The following RBP2 variants were observed in gnomAD, a reference collection of about 807,000 sequenced individuals.
The protein encoded by RBP2 is retinol binding protein 2.
Under a neutral mutation model 17.0 loss-of-function variants are expected in RBP2, and 17 were observed. That is an observed-to-expected ratio of 1.00 (90% CI 0.68 to 1.50). The LOEUF (loss-of-function observed/expected upper bound fraction) is 1.50, where lower values mean the gene tolerates loss of function less well. Among genes scored for constraint, RBP2 ranks in the 40% most tolerant of loss-of-function variants. The probability of loss-of-function intolerance (pLI) is 0.00; values close to 1 mark genes in which losing one functional copy is unlikely to be tolerated. For synonymous variants in RBP2, 48 were observed against 57.1 expected, an observed-to-expected ratio of 0.84 and a Z score of 0.72; for missense variants, 158 against 168.2, an observed-to-expected ratio of 0.94 and a Z score of 0.33.
intron 3 of RBP2, among the ~76,000 whole-genome samples, chr3:139,454,054 A>G (rs1189202976): frequency 6.6e-6 from 1 of 152,228 alleles, no homozygotes; most frequent in African/African-American, 2.4e-5. Context: ...ATGAATGAAG[A>G]GCCATTCACT....
chr3:139,473,084 A>G (rs1433333243), intron 1 of RBP2, among the ~76,000 whole-genome samples: 6 of 152,206 alleles, frequency 3.9e-5, no homozygotes, highest in East Asian at 1.9e-4. Context: ...TCTGACCTGA[A>G]GGAGGACTGA....
intron 1 of RBP2, among the ~76,000 whole-genome samples, chr3:139,475,724 ACT>A (rs1473754339): frequency 6.6e-6 from 1 of 152,036 alleles, no homozygotes; most frequent in Non-Finnish European, 1.5e-5. Flanking sequence ...GGACCCACTC[ACT>A]CTAGTCCCAG....
intron 2 of RBP2, among the ~76,000 whole-genome samples, chr3:139,455,260 A>C (rs1043127953): frequency 6.6e-6 from 1 of 152,230 alleles, no homozygotes; most frequent in African/African-American, 2.4e-5. Flanking sequence ...CTGTAAATCA[A>C]TAAGAAAAAT....
intron 1 of RBP2, among the ~76,000 whole-genome samples, chr3:139,470,341 A>G (rs1933521047): frequency 1.3e-5 from 2 of 151,994 alleles, no homozygotes; most frequent in Admixed American, 6.6e-5. Context: ...TTTATCTGCA[A>G]AATATATGCT....
intron 3 of RBP2, among the ~76,000 whole-genome samples, 198 bp downstream of exon 3, chr3:139,454,531 A>G (rs1943361914): frequency 6.6e-6 from 1 of 152,230 alleles, no homozygotes; most frequent in South Asian, 2.1e-4. Context: ...AGCTGTTCAC[A>G]GAAACAGCCA....
Position 139,476,472 on chromosome 3 carries a change from T to G in RBP2, c.-13A>C. On this transcript the variant is annotated 5_prime_UTR_variant, in exon 1 of 4. Coordinates refer to ENST00000232217, the MANE Select transcript of RBP2 (RefSeq NM_004164.3). ...GGTCCCTTGTCATGGTGGTGGCCAC[T>G]GGTTCGGTGAGGGTTTGTGGTGGAT... 6.2e-7 allele frequency: 1 copy of G among 1,613,386 alleles called. No homozygotes were observed. The highest frequency in any genetic ancestry group is 8.5e-7 in the Non-Finnish European group (1 of 1,179,448).
chr3:139,456,221 T>G (rs1301545886), intron 2 of RBP2, among the ~76,000 whole-genome samples: 1 of 152,228 alleles, frequency 6.6e-6, no homozygotes, highest in East Asian at 1.9e-4. Context: ...CTTTTCTTGG[T>G]GTCTTGTAAA....
Position 139,462,144 on chromosome 3 carries a change from A to G in RBP2, c.220T>C (p.Tyr74His), listed in dbSNP as rs200804399. Residue 74 changes from tyrosine (Y) to histidine (H), a missense_variant, in exon 2 of 4, where the codon TAC becomes CAC. Coordinates refer to ENST00000232217, the MANE Select transcript of RBP2 (RefSeq NM_004164.3). ...TGCCGGTTATCCAGGCTCTTTGTGT[A>G]CTCGTCAAACTCTACTCCAACAGTG... ...DFTVGVEFDEYTKSLDNRHVK... is the reference protein window; with the variant it reads ...DFTVGVEFDEHTKSLDNRHVK... 1 of 1,613,954 alleles carries G rather than the reference A, an allele frequency of 6.2e-7. No individual in the cohort carries two copies. Among genetic ancestry groups the G allele is most frequent in the Non-Finnish European group, 8.5e-7 (1 of 1,179,988 alleles).
In RBP2 at chr3:139,453,057, G is replaced by C; in HGVS notation, c.*59C>G. 1.3e-6 allele frequency: 2 copies of C among 1,598,972 alleles called. No individual in the cohort carries two copies. The highest frequency in any genetic ancestry group is 1.7e-6 in the Non-Finnish European group (2 of 1,166,256). On this transcript the variant is annotated 3_prime_UTR_variant, in exon 4 of 4. Transcript: ENST00000232217. ...TCCCCACAGCTGTTTCTCAAAGCCA[G>C]TAGACCACTCAGTGTGGGCAGTGGG...
intron 1 of RBP2, 108 bp downstream of exon 1, chr3:139,476,279 T>C (rs528495241): frequency 3.6e-6 from 3 of 827,314 alleles, no homozygotes; most frequent in South Asian, 3.2e-5. Context: ...ACATGAGGCA[T>C]GAGGATTTGC....
At chr3:139,466,206 A>G (rs772822807) in intron 1 of RBP2, among the ~76,000 whole-genome samples, 4 of 152,140 alleles carry the variant, frequency 2.6e-5, no homozygotes, top group Non-Finnish European at 5.9e-5. Context: ...GCACCTTTTC[A>G]AAGTCTGAGG....
At chr3:139,462,060 C>G in intron 2 of RBP2, 52 bp downstream of exon 2, 2 of 1,559,766 alleles carry the variant, frequency 1.3e-6, no homozygotes, top group Non-Finnish European at 1.7e-6. Context: ...TACCAAATAG[C>G]CAGCCCCTGG....
rs371659362 is a variant in RBP2, at chr3:139,465,840, C to G, written c.74-3550G>C. ...CAGCCGGCTACATTATCTGGCAGCT[C>G]ATTTCGCTTCACCTCTGTGGCTTAT... On this transcript the variant is annotated intron_variant, in intron 1 of 3. Coordinates refer to ENST00000232217, the MANE Select transcript of RBP2 (RefSeq NM_004164.3). Among the ~76,000 whole-genome samples, 24 of 152,188 alleles carry G rather than the reference C, an allele frequency of 1.6e-4. No individual in the cohort carries two copies. In the East Asian group the frequency reaches 1.7e-3, roughly 11 times the overall value.
chr3:139,456,093 T>G (rs544371226), intron 2 of RBP2, among the ~76,000 whole-genome samples: 1 of 152,318 alleles, frequency 6.6e-6, no homozygotes, highest in Admixed American at 6.5e-5. Flanking sequence ...GAAGAATGCT[T>G]CTGTGCCTGT....
At chr3:139,459,623 C>CA (rs780693722) in intron 2 of RBP2, among the ~76,000 whole-genome samples, 1,565 of 136,736 alleles carry the variant, frequency 0.011, 8 homozygotes, top group Non-Finnish European at 0.019. Flanking sequence ...AACTCTGTCT[C>CA]AAAAAAAAAA....
chr3:139,458,554 A>G (rs1428378219), intron 2 of RBP2, among the ~76,000 whole-genome samples: 4 of 152,226 alleles, frequency 2.6e-5, no homozygotes, highest in African/African-American at 4.8e-5. Context: ...AACCATCAAT[A>G]TATCTAAATC....
rs111417242 is a variant in RBP2 at position 139,459,400 on chromosome 3, A to ATATATGTGTGTGTGTGTGTG, written c.252+2711_252+2712insCACACACACACACACATATA. 4.9e-3 allele frequency among the ~76,000 whole-genome samples: 632 copies of ATATATGTGTGTGTGTGTGTG among 128,550 alleles called. 6 individuals are homozygous for ATATATGTGTGTGTGTGTGTG. Among genetic ancestry groups the ATATATGTGTGTGTGTGTGTG allele is most frequent in the East Asian group, 0.023 (91 of 3,986 alleles). The allele number at this position is 128,550 out of a possible 152,430, so 84.3% of individuals were successfully genotyped here. ...GTGAAACCCTGTTTCTACTATATAT[A>ATATATGTGTGTGTGTGTGTG]TGTGTGTGTGTGTGTGTGTGTGTGT... On this transcript the variant is annotated intron_variant, in intron 2 of 3. Transcript: ENST00000232217.
intron 2 of RBP2, 108 bp from the exon 3 acceptor site, chr3:139,454,938 G>A (rs1363386921): frequency 7.4e-6 from 8 of 1,074,058 alleles, no homozygotes; most frequent in South Asian, 5.4e-5. Context: ...TTGCTTACTC[G>A]AAGGGCAGAG....
intron 2 of RBP2, among the ~76,000 whole-genome samples, chr3:139,461,361 A>G (rs1933181342): frequency 1.3e-5 from 2 of 152,154 alleles, no homozygotes; most frequent in Non-Finnish European, 2.9e-5. Context: ...GCCTGCTTTC[A>G]GGGTCCCATC....
Sources: allele counts gnomAD v4.1 joint callset (sites outside exome capture counted in the v4.1 genomes callset), GRCh38; gene constraint gnomAD v4.1.1; transcripts MANE v1.5; gene names NCBI Gene and HGNC (gene_info 2026-07-23, HGNC 2026-07-21).